PCDHGA3: variants seen among roughly 807,000 people sequenced by gnomAD.
PCDHGA3 encodes protocadherin gamma-A3.
In PCDHGA3, 40 loss-of-function variants were observed where a neutral mutation model predicts 58.5. The ratio of observed to expected loss-of-function variants is 0.68; its 90% confidence interval spans 0.53 to 0.89. The LOEUF (loss-of-function observed/expected upper bound fraction) is 0.89. Ranked by LOEUF, PCDHGA3 falls within the 40% of genes least tolerant of loss-of-function variation. The probability of loss-of-function intolerance (pLI) is 0.00; values close to 1 mark genes in which losing one functional copy is unlikely to be tolerated. For synonymous variants in PCDHGA3, 530 were observed against 525.7 expected, an observed-to-expected ratio of 1.01 and a Z score of -0.11; for missense variants, 1,223 against 1,195.9, an observed-to-expected ratio of 1.02 and a Z score of -0.33.
intron 1 of PCDHGA3, chr5:141,426,760 C>T (rs935248232): frequency 4.4e-6 from 2 of 456,284 alleles, no homozygotes; most frequent in African/African-American, 4.0e-5. Context: ...GCTATAGATG[C>T]AGATGTAGGG....
rs749119321 is a variant in PCDHGA3, at chr5:141,344,277, G to A, written c.244G>A (p.Gly82Ser). 5 of 1,614,090 alleles carry A rather than the reference G, an allele frequency of 3.1e-6. No homozygotes were observed. The highest frequency in any genetic ancestry group is 3.4e-6 in the Non-Finnish European group (4 of 1,179,928). Residue 82 changes from glycine to serine, a missense_variant, in exon 1 of 4, where the codon GGC (glycine) becomes AGC (serine). Physicochemically the swap from Gly to Ser is moderately conservative, Grantham distance 56. This residue lies in a region of PCDHGA3 where 791 missense variants were observed against 708.5 expected (regional missense o/e 1.12). Coordinates refer to ENST00000253812, the MANE Select transcript of PCDHGA3 (RefSeq NM_018916.4). ...TQLFSLNPQS[G>S]SLVTAERIDR... ...GCTTTTCTCTCTGAATCCGCAAAGC[G>A]GCAGCTTGGTCACCGCGGAGAGGAT...
Position 141,393,095 on chromosome 5 carries a change from G to A in PCDHGA3, c.2424+46638G>A, listed in dbSNP as rs1057103671. On this transcript the variant is annotated intron_variant, in intron 1 of 3. Transcript: ENST00000253812. ...CCGCGGGCAGGATAGATCGGGAGGA[G>A]CTCTGCGCTCAGAGCCCGCGGTGTC... The A allele has an allele frequency of 3.1e-6, 5 of 1,613,520 alleles. No homozygotes were observed. The East Asian group carries it at 8.9e-5, about 29-fold the overall frequency.
intron 3 of PCDHGA3, 89 bp from the exon 4 acceptor site, chr5:141,510,858 T>G: frequency 6.2e-7 from 1 of 1,606,182 alleles, no homozygotes; most frequent in Non-Finnish European, 8.5e-7. Context: ...GGGTGCTGTA[T>G]AGGCATTCAT....
rs942270362 is a variant in PCDHGA3 at position 141,394,773 on chromosome 5, C to T, written c.2424+48316C>T. On this transcript the variant is annotated intron_variant, in intron 1 of 3. Coordinates refer to ENST00000253812, the MANE Select transcript of PCDHGA3 (RefSeq NM_018916.4). ...CGTCCAGGACCATGGCCAGCCCCCT[C>T]TCTCCGCCACTGTCACGCTCACCGT... 4.3e-5 allele frequency: 70 copies of T among 1,613,400 alleles called. No homozygotes were observed. The highest frequency in any genetic ancestry group is 5.6e-5 in the Non-Finnish European group (66 of 1,179,978).
chr5:141,399,525 C>T (rs1170362164), intron 1 of PCDHGA3: 1 of 1,614,058 alleles, frequency 6.2e-7, no homozygotes, highest in East Asian at 2.2e-5. Flanking sequence ...CTGGGGCCTC[C>T]ATCGCGCAAG....
At chr5:141,400,740 G>T in intron 1 of PCDHGA3, 1 of 616,766 alleles carries the variant, frequency 1.6e-6, no homozygotes, top group Non-Finnish European at 2.8e-6. Context: ...GTGAGAGTTT[G>T]CTCTTAGCTT....
At chr5:141,383,688 G>A (rs1246896425) in intron 1 of PCDHGA3, 6 of 1,614,008 alleles carry the variant, frequency 3.7e-6, no homozygotes, top group Non-Finnish European at 5.1e-6. Context: ...GACTGCTCAC[G>A]GTACATGCTA....
intron 1 of PCDHGA3, chr5:141,403,631 C>A (rs751580878): frequency 2.5e-6 from 4 of 1,613,912 alleles, no homozygotes; most frequent in Non-Finnish European, 2.5e-6. Flanking sequence ...CAGCACAGTG[C>A]GCATCCATGT....
intron 1 of PCDHGA3, chr5:141,364,956 A>G: frequency 1.2e-6 from 2 of 1,613,264 alleles, no homozygotes; most frequent in Non-Finnish European, 1.7e-6. Flanking sequence ...ACTGTTCACG[A>G]CCTCCTCCTC....
intron 1 of PCDHGA3, chr5:141,421,412 A>T (rs375885183): frequency 4.3e-6 from 7 of 1,613,962 alleles, no homozygotes; most frequent in Non-Finnish European, 5.9e-6. Context: ...GAGCTGGCGA[A>T]GCGCGGAGTC....
intron 1 of PCDHGA3, among the ~76,000 whole-genome samples, chr5:141,369,122 T>C (rs1766045573): frequency 6.6e-6 from 1 of 152,188 alleles, no homozygotes; most frequent in Non-Finnish European, 1.5e-5. Context: ...GTAAGACACC[T>C]GTCAGAAACA....
At chr5:141,394,690 T>A (rs745602076) in intron 1 of PCDHGA3, 1 of 1,610,768 alleles carries the variant, frequency 6.2e-7, no homozygotes, top group East Asian at 2.2e-5. Flanking sequence ...ACGGGCGAGG[T>A]GCGCACGGCG....
At chr5:141,397,381 T>G (rs966351267) in intron 1 of PCDHGA3, among the ~76,000 whole-genome samples, 1 of 152,228 alleles carries the variant, frequency 6.6e-6, no homozygotes, top group Non-Finnish European at 1.5e-5. Flanking sequence ...GGGATTGGTA[T>G]AAAATTGCCA....
rs749514405 is a variant in PCDHGA3, at chr5:141,361,238, T to A, written c.2424+14781T>A. The A allele has an allele frequency of 1.9e-6, 3 of 1,613,980 alleles. No individual in the cohort carries two copies. The Admixed American group carries it at 5.0e-5, about 27-fold the overall frequency. ...TCGCCACCAGGAACAGTGATCGCCT[T>A]GATAAAAACGAGAGACAGAGACTCT... is the stretch of plus-strand genomic sequence containing the variant. On this transcript the variant is annotated intron_variant, in intron 1 of 3. Coordinates refer to ENST00000253812, the MANE Select transcript of PCDHGA3 (RefSeq NM_018916.4).
intron 1 of PCDHGA3, among the ~76,000 whole-genome samples, chr5:141,380,345 TG>T (rs1448564641): frequency 6.6e-6 from 1 of 152,202 alleles, no homozygotes; most frequent in African/African-American, 2.4e-5. Context: ...AGAACTGTTT[TG>T]TTGTTTGTTT....
At chr5:141,365,465 A>G in intron 1 of PCDHGA3, 1 of 1,614,024 alleles carries the variant, frequency 6.2e-7, no homozygotes, top group South Asian at 1.1e-5. Context: ...TTCTGGAGAA[A>G]ATGGTGAGAT....
At chr5:141,363,093 G>A (rs992729487) in intron 1 of PCDHGA3, among the ~76,000 whole-genome samples, 1 of 152,222 alleles carries the variant, frequency 6.6e-6, no homozygotes, top group African/African-American at 2.4e-5. Context: ...ATTTCTAAAG[G>A]ACAGGCAATG....
In PCDHGA3 at chr5:141,409,025, G is replaced by T. The variant is rs202094928; in HGVS notation, c.2424+62568G>T. Reference sequence around the variant, plus strand: ...CACTGACCAGGATGAGGGGGTCAATGCTGAGATAAACTACTACTTCCGAAG... The same window carrying T: ...CACTGACCAGGATGAGGGGGTCAATTCTGAGATAAACTACTACTTCCGAAG... On this transcript the variant is annotated intron_variant, in intron 1 of 3. Coordinates refer to ENST00000253812, the MANE Select transcript of PCDHGA3 (RefSeq NM_018916.4). 2.9e-3 allele frequency: 4,667 copies of T among 1,614,008 alleles called. 11 individuals are homozygous for T. The highest frequency in any genetic ancestry group is 3.6e-3 in the Non-Finnish European group (4,254 of 1,179,906).
intron 1 of PCDHGA3, chr5:141,350,090 A>G (rs939452294): frequency 1.8e-5 from 8 of 453,740 alleles, no homozygotes; most frequent in Non-Finnish European, 3.0e-5. Flanking sequence ...CAGGAGCGTC[A>G]GGCAGGGTGC....
Sources: gnomAD v4.1 joint callset for allele counts (sites outside exome capture counted in the v4.1 genomes callset) on GRCh38, gnomAD v4.1.1 for gene constraint, gnomAD v4.1.1 regional missense constraint, MANE v1.5 for transcripts, NCBI Gene and HGNC (gene_info 2026-07-23, HGNC 2026-07-21) for gene names.